Variants in NFYC observed in about 807,000 individuals in gnomAD.
The protein encoded by NFYC is nuclear transcription factor Y subunit gamma.
NFYC carries 25 observed loss-of-function variants against 53.1 expected under a neutral mutation model. The ratio of observed to expected loss-of-function variants is 0.47; its 90% CI spans 0.34 to 0.66. The LOEUF (loss-of-function observed/expected upper bound fraction) is 0.66. NFYC is among the 30% of genes least tolerant of loss of function. The pLI, the probability that NFYC is intolerant of heterozygous loss-of-function variation, is 0.01. For missense variants in NFYC, 260 were observed against 422.7 expected, an observed-to-expected ratio of 0.62 and a Z score of 3.38; for synonymous variants, 145 against 152.6, an observed-to-expected ratio of 0.95 and a Z score of 0.37.
intron 1 of NFYC, among the ~76,000 whole-genome samples, chr1:40,701,007 T>G (rs1416537878): frequency 6.6e-6 from 1 of 152,216 alleles, no homozygotes; most frequent in African/African-American, 2.4e-5. Flanking sequence ...AACGTGGGAC[T>G]GATTGTGCCA....
chr1:40,715,116 T>TAAATAAC (rs1557764245), intron 1 of NFYC, among the ~76,000 whole-genome samples: 3 of 73,266 alleles, frequency 4.1e-5, no homozygotes, highest in Admixed American at 2.6e-4. Context: ...AAATAAATAA[T>TAAATAAC]AATTTGGCTG....
At chr1:40,749,284 G>A (rs958816266) in intron 3 of NFYC, among the ~76,000 whole-genome samples, 12 of 152,098 alleles carry the variant, frequency 7.9e-5, no homozygotes, top group Non-Finnish European at 1.5e-5. Context: ...ATGGCTGTGG[G>A]CAAGTCACTT....
chr1:40,767,969 C>CT (rs893047580), intron 8 of NFYC, among the ~76,000 whole-genome samples: 1 of 152,000 alleles, frequency 6.6e-6, no homozygotes, highest in Non-Finnish European at 1.5e-5. Context: ...GAGTGAGACT[C>CT]TGTCTCAAAA....
At chr1:40,702,251 T>C (rs1177804609) in intron 1 of NFYC, among the ~76,000 whole-genome samples, 2 of 152,188 alleles carry the variant, frequency 1.3e-5, no homozygotes, top group Non-Finnish European at 2.9e-5. Context: ...GATAACCATT[T>C]ACTGAGCACC....
chr1:40,759,249 A>G (rs1646402925), intron 6 of NFYC, among the ~76,000 whole-genome samples: 1 of 150,254 alleles, frequency 6.7e-6, no homozygotes, highest in Admixed American at 6.6e-5. Context: ...AAAAAAAAAA[A>G]GGCAGGGGCA....
chr1:40,759,813 G>A (rs995380477), intron 6 of NFYC, among the ~76,000 whole-genome samples: 1 of 152,074 alleles, frequency 6.6e-6, no homozygotes, highest in African/African-American at 2.4e-5. Context: ...AGTACAGGGG[G>A]CCGTAGGAAA....
At chr1:40,712,264 A>G (rs1460637073) in intron 1 of NFYC, 1 of 152,190 alleles carries the variant, frequency 6.6e-6, no homozygotes, top group African/African-American at 2.4e-5. Flanking sequence ...TATTTATTTA[A>G]TGCATATGTT....
intron 2 of NFYC, among the ~76,000 whole-genome samples, chr1:40,747,222 T>C (rs1040603470): frequency 2.1e-5 from 3 of 142,348 alleles, no homozygotes; most frequent in Admixed American, 1.5e-4. Context: ...GCGCTCATAA[T>C]GTCCCTCTAT....
rs184535999 is a variant in NFYC, at chr1:40,693,604, G to A, written c.-9+1737G>A. Reference sequence around the variant, plus strand: ...GGCATATTTTAACTCCAATAGGTAGGCATTATCGTCCCCATATTGCAGATG... The same window carrying A: ...GGCATATTTTAACTCCAATAGGTAGACATTATCGTCCCCATATTGCAGATG... On this transcript the variant is annotated intron_variant, in intron 1 of 9. Transcript: ENST00000447388. Among the ~76,000 whole-genome samples, 580 of 152,258 alleles carry A rather than the reference G, an allele frequency of 3.8e-3. 3 individuals are homozygous for A. Among genetic ancestry groups the A allele is most frequent in the African/African-American group, 0.013 (539 of 41,534 alleles).
intron 1 of NFYC, among the ~76,000 whole-genome samples, chr1:40,718,630 T>C (rs1344723626): frequency 6.6e-6 from 1 of 152,262 alleles, no homozygotes; most frequent in Non-Finnish European, 1.5e-5. Context: ...AATTGAGCAC[T>C]ACCAGTATTT....
intron 1 of NFYC, among the ~76,000 whole-genome samples, chr1:40,718,910 T>C (rs538594991): frequency 6.6e-6 from 1 of 152,336 alleles, no homozygotes; most frequent in South Asian, 2.1e-4. Flanking sequence ...TCTTGCTCTG[T>C]CGCCAGGCTG....
At chr1:40,758,548 T>C (rs1557903744) in intron 6 of NFYC, 2 of 373,164 alleles carry the variant, frequency 5.4e-6, no homozygotes, top group Non-Finnish European at 9.5e-6. Flanking sequence ...CCCTATTAGC[T>C]CAGAAATTTT....
At chr1:40,726,209 C>T (rs1431934806) in intron 1 of NFYC, among the ~76,000 whole-genome samples, 1 of 152,002 alleles carries the variant, frequency 6.6e-6, no homozygotes, top group Non-Finnish European at 1.5e-5. Context: ...CCTCTGCCTC[C>T]TGGGCTCAAG....
At chr1:40,707,504 AG>A (rs1297511247) in intron 1 of NFYC, among the ~76,000 whole-genome samples, 3 of 149,680 alleles carry the variant, frequency 2.0e-5, no homozygotes, top group African/African-American at 4.9e-5. Flanking sequence ...AGAGAGAGAG[AG>A]AGAAAAATTT....
At chr1:40,692,530 C>T (rs1264975917) in intron 1 of NFYC, among the ~76,000 whole-genome samples, 2 of 152,096 alleles carry the variant, frequency 1.3e-5, no homozygotes, top group African/African-American at 2.4e-5. Context: ...GCTAATGTGA[C>T]CCAGTTTGGA....
chr1:40,767,108 C>T (rs1445303465), intron 8 of NFYC: 4 of 841,046 alleles, frequency 4.8e-6, no homozygotes, highest in Non-Finnish European at 1.9e-6. Context: ...TAGATTTTAC[C>T]CCTACCTCCT....
At chr1:40,735,181 CT>C (rs34143254) in intron 1 of NFYC, 42,591 of 138,004 alleles carry the variant, frequency 0.31, 7,271 homozygotes, top group East Asian at 0.43. Context: ...CTCCTTATGT[CT>C]TTTTTTTTTT....
intron 1 of NFYC, among the ~76,000 whole-genome samples, chr1:40,727,378 C>CG (rs34302655): frequency 0.53 from 80,127 of 151,596 alleles, 21,552 homozygotes; most frequent in Non-Finnish European, 0.59. Flanking sequence ...CATGTGCCAC[C>CG]ACAACCAGCT....
rs778828728 is a variant in NFYC, at chr1:40,766,626, A to G, written c.751A>G (p.Ile251Val). 2.5e-6 allele frequency: 4 copies of G among 1,613,948 alleles called. No homozygotes were observed. The highest frequency in any genetic ancestry group is 3.4e-6 in the Non-Finnish European group (4 of 1,180,000). Residue 251 changes from isoleucine (I) to valine (V), a missense_variant, in exon 8 of 10, where the codon ATC becomes GTC. Transcript: ENST00000447388. ...GCTGAATGCCGGCCAGCTGCAGTAT[A>G]TCCGCTTAGCCCAGCCTGTATCAGG... The part of the protein sequence containing the change: ...VQLNAGQLQY[I>V]RLAQPVSGTQ...
Sources: allele counts gnomAD v4.1 joint callset (sites outside exome capture counted in the v4.1 genomes callset), GRCh38; gene constraint gnomAD v4.1.1; transcripts MANE v1.5; gene names NCBI Gene and HGNC (gene_info 2026-07-23, HGNC 2026-07-21).